RAB3IP: variants seen among roughly 807,000 people sequenced by gnomAD.
The protein encoded by RAB3IP is RAB3A interacting protein.
RAB3IP carries 36 observed loss-of-function variants against 59.1 expected under a neutral mutation model. The observed-to-expected ratio is 0.61, with a 90% CI of 0.47 to 0.80. The LOEUF (loss-of-function observed/expected upper bound fraction) is 0.80, where lower values mean the gene tolerates loss of function less well. Ranked by LOEUF, RAB3IP falls within the 30% of genes least tolerant of loss-of-function variation. The pLI is 0.00. For missense variants in RAB3IP, 511 were observed against 536.0 expected (o/e 0.95, Z 0.46); for synonymous variants, 207 against 191.2 (o/e 1.08, Z -0.68).
chr12:69,760,163 C>G (rs561669024), intron 3 of RAB3IP, among the ~76,000 whole-genome samples: 1 of 152,250 alleles, frequency 6.6e-6, no homozygotes, highest in East Asian at 1.9e-4. Flanking sequence ...GGATCACTCA[C>G]GGTTAGGAGC....
At chr12:69,775,365 C>T (rs1369789620) in intron 3 of RAB3IP, among the ~76,000 whole-genome samples, 3 of 141,802 alleles carry the variant, frequency 2.1e-5, no homozygotes, top group Non-Finnish European at 4.5e-5. Context: ...CAAACAGGGA[C>T]AATTTGACTT....
intron 1 of RAB3IP, among the ~76,000 whole-genome samples, chr12:69,753,358 A>T (rs1020396533): frequency 2.0e-5 from 3 of 151,812 alleles, no homozygotes; most frequent in Non-Finnish European, 2.9e-5. Flanking sequence ...TTGGTTTGGC[A>T]TTTTTTTTAT....
rs573297354 is a variant in RAB3IP at position 69,782,294 on chromosome 12, A to G, written c.511-2426A>G. Among the ~76,000 whole-genome samples, 27 of 152,264 alleles carry G rather than the reference A, an allele frequency of 1.8e-4. No homozygotes were observed. In the South Asian group the frequency reaches 5.6e-3, roughly 32 times the overall value. On this transcript the variant is annotated intron_variant, in intron 3 of 10. Coordinates refer to ENST00000247833, the MANE Select transcript of RAB3IP (RefSeq NM_022456.5). Reference sequence around the variant, plus strand: ...ATTCTCCTGCCTCAGGCTTCTGAGTAGGTGGGATTACAGGCACGCGCCACC... The same window carrying G: ...ATTCTCCTGCCTCAGGCTTCTGAGTGGGTGGGATTACAGGCACGCGCCACC...
chr12:69,810,137 G>T (rs1880180595), intron 8 of RAB3IP, among the ~76,000 whole-genome samples: 1 of 152,202 alleles, frequency 6.6e-6, no homozygotes, highest in Non-Finnish European at 1.5e-5. Context: ...TCAGCTGCAG[G>T]TCTGTTGGAG....
At chr12:69,757,920 C>T (rs1162842731) in intron 3 of RAB3IP, among the ~76,000 whole-genome samples, 1 of 152,144 alleles carries the variant, frequency 6.6e-6, no homozygotes, top group Non-Finnish European at 1.5e-5. Context: ...TTTCTTAGCT[C>T]ACTTGAGAAT....
At position 69,795,361 on chromosome 12, in the gene RAB3IP, T is replaced by A; in HGVS notation, c.888+17T>A. The A allele has an allele frequency of 6.3e-7, 1 of 1,587,034 alleles. No homozygotes were observed. The highest frequency in any genetic ancestry group is 1.7e-4 in the Middle Eastern group (1 of 5,996). On this transcript the variant is annotated intron_variant, in intron 6 of 10. Transcript: ENST00000247833. ...TGCAAAGAGGTAACTCATCAAGGAC[T>A]GTCCCCTCTGACTCTGTTGATACTT...
chr12:69,806,334 G>A, intron 8 of RAB3IP, among the ~76,000 whole-genome samples: 1 of 152,172 alleles, frequency 6.6e-6, no homozygotes, highest in Non-Finnish European at 1.5e-5. Context: ...TGTGGGAGCA[G>A]TGGTGATATC....
At chr12:69,751,197 T>A (rs77946000) in intron 1 of RAB3IP, among the ~76,000 whole-genome samples, 1,905 of 152,314 alleles carry the variant, frequency 0.013, 52 homozygotes, top group African/African-American at 0.044. Context: ...TATTTGCCTT[T>A]CAGTTCTTTG....
At chr12:69,770,434 G>C (rs992969961) in intron 3 of RAB3IP, among the ~76,000 whole-genome samples, 3 of 152,034 alleles carry the variant, frequency 2.0e-5, no homozygotes, top group Admixed American at 6.6e-5. Context: ...TGTGTAAATA[G>C]TTGTTATACT....
intron 3 of RAB3IP, among the ~76,000 whole-genome samples, chr12:69,761,210 T>C (rs1871258500): frequency 6.6e-6 from 1 of 152,244 alleles, no homozygotes; most frequent in Admixed American, 6.5e-5. Context: ...GTTTTTAAAC[T>C]AGACATTGTA....
chr12:69,804,886 T>C (rs1391174901), intron 8 of RAB3IP, among the ~76,000 whole-genome samples: 1 of 152,206 alleles, frequency 6.6e-6, no homozygotes, highest in Non-Finnish European at 1.5e-5. Flanking sequence ...CCATGCTGTT[T>C]TGTTTACTGT....
intron 3 of RAB3IP, among the ~76,000 whole-genome samples, chr12:69,757,997 A>G (rs1320374466): frequency 6.6e-6 from 1 of 152,236 alleles, no homozygotes; most frequent in East Asian, 1.9e-4. Context: ...GGTGATGTGT[A>G]AACACATATG....
chr12:69,750,138 C>G (rs2136111818), intron 1 of RAB3IP, among the ~76,000 whole-genome samples: 1 of 152,264 alleles, frequency 6.6e-6, no homozygotes, highest in East Asian at 1.9e-4. Context: ...TCTGACTACT[C>G]TAAGCTGCAG....
chr12:69,744,390 A>G (rs1317792239), intron 1 of RAB3IP, among the ~76,000 whole-genome samples: 2 of 152,264 alleles, frequency 1.3e-5, no homozygotes, highest in South Asian at 2.1e-4. Context: ...ACACACTGCA[A>G]TAACTAACAT....
chr12:69,808,400 A>G (rs983396267), intron 8 of RAB3IP, among the ~76,000 whole-genome samples: 6 of 152,198 alleles, frequency 3.9e-5, no homozygotes, highest in East Asian at 1.9e-4. Context: ...GTAGATGTCT[A>G]TTAGGTCTGC....
chr12:69,763,202 A>G (rs1281294949), intron 3 of RAB3IP, among the ~76,000 whole-genome samples: 2 of 152,228 alleles, frequency 1.3e-5, no homozygotes, highest in Non-Finnish European at 2.9e-5. Context: ...TGCAAGGTGT[A>G]TGCCTAATGA....
At chr12:69,752,012 T>A (rs551132729) in intron 1 of RAB3IP, among the ~76,000 whole-genome samples, 52 of 150,512 alleles carry the variant, frequency 3.5e-4, no homozygotes, top group African/African-American at 1.2e-3. Context: ...TTCTTTTTTT[T>A]TTTTTTTTCA....
At chr12:69,800,128 A>G in intron 6 of RAB3IP, 81 bp from the exon 7 acceptor site, 1 of 1,109,508 alleles carries the variant, frequency 9.0e-7, no homozygotes, top group Non-Finnish European at 1.2e-6. Flanking sequence ...AGTGATGTTT[A>G]AATTAGTTTT....
chr12:69,796,641 C>A, intron 6 of RAB3IP: 1 of 620,902 alleles, frequency 1.6e-6, no homozygotes, highest in South Asian at 1.9e-5. Context: ...AAAAATGATG[C>A]TGGTAAGAGA....
Sources: gnomAD v4.1 joint callset for allele counts (sites outside exome capture counted in the v4.1 genomes callset) on GRCh38, gnomAD v4.1.1 for gene constraint, MANE v1.5 for transcripts, NCBI Gene and HGNC (gene_info 2026-07-23, HGNC 2026-07-21) for gene names.